Variants in CDH18 observed in about 807,000 individuals in gnomAD.
The protein encoded by CDH18 is cadherin 18, also known as cadherin-18.
A neutral mutation model predicts 67.9 loss-of-function variants in CDH18; 31 were observed. That is an observed-to-expected ratio of 0.46 (90% CI 0.34 to 0.62). The LOEUF (loss-of-function observed/expected upper bound fraction) is 0.62. Among genes scored for constraint, CDH18 ranks in the 20% least tolerant of loss-of-function variants. CDH18 has a pLI of 0.01. For synonymous variants in CDH18, 362 were observed against 347.2 expected (o/e 1.04, Z -0.48); for missense variants, 890 against 975.5 (o/e 0.91, Z 1.17).
At chr5:19,963,720 G>T (rs1391126536) in intron 2 of CDH18, among the ~76,000 whole-genome samples, 1 of 151,714 alleles carries the variant, frequency 6.6e-6, no homozygotes, top group Non-Finnish European at 1.5e-5. Context: ...ACCCAGTATT[G>T]GGTATGTCTT....
chr5:20,014,285 G>A (rs1450826398), intron 2 of CDH18, among the ~76,000 whole-genome samples: 3 of 152,070 alleles, frequency 2.0e-5, no homozygotes, highest in African/African-American at 7.2e-5. Context: ...ACAGTCTGCT[G>A]GGCAAGAAAG....
chr5:19,824,130 T>C (rs1430447677), intron 3 of CDH18, among the ~76,000 whole-genome samples: 1 of 152,108 alleles, frequency 6.6e-6, no homozygotes, highest in Non-Finnish European at 1.5e-5. Context: ...GAATTCACGT[T>C]TGATGTAGAT....
intron 4 of CDH18, among the ~76,000 whole-genome samples, chr5:19,736,282 G>C (rs1196786529): frequency 6.6e-6 from 1 of 152,114 alleles, no homozygotes; most frequent in Non-Finnish European, 1.5e-5. Flanking sequence ...GTGGGAGGCT[G>C]AGGAGGGAGG....
chr5:19,963,645 G>C (rs1043902633), intron 2 of CDH18, among the ~76,000 whole-genome samples: 1 of 152,008 alleles, frequency 6.6e-6, no homozygotes, highest in African/African-American at 2.4e-5. Flanking sequence ...ATGATTATAA[G>C]TTTCCTGAGG....
intron 3 of CDH18, among the ~76,000 whole-genome samples, chr5:19,817,088 A>G (rs1308660231): frequency 6.6e-6 from 1 of 151,932 alleles, no homozygotes; most frequent in African/African-American, 2.4e-5. Flanking sequence ...AATAAAAAAG[A>G]AATAATTACA....
chr5:19,991,696 CTCTT>C (rs1799985242), upstream of CDH18, among the ~76,000 whole-genome samples: 1 of 152,060 alleles, frequency 6.6e-6, no homozygotes, highest in Admixed American at 6.5e-5. Flanking sequence ...TCTGTCATCT[CTCTT>C]CAGTTTAAGA....
chr5:19,764,474 A>G (rs1183637386), intron 3 of CDH18, among the ~76,000 whole-genome samples: 2 of 151,942 alleles, frequency 1.3e-5, no homozygotes, highest in Middle Eastern at 3.2e-3. Context: ...ATTCATATTT[A>G]TTAATATAAA....
intron 2 of CDH18, among the ~76,000 whole-genome samples, chr5:19,879,948 G>A (rs73762046): frequency 6.6e-6 from 1 of 151,946 alleles, no homozygotes; most frequent in African/African-American, 2.4e-5. Context: ...ATCCTGTTGT[G>A]TCCTACCAGG....
chr5:19,957,472 A>G (rs137997486), intron 2 of CDH18, among the ~76,000 whole-genome samples: 121 of 151,952 alleles, frequency 8.0e-4, no homozygotes, highest in South Asian at 2.9e-3. Flanking sequence ...ATATTTAAAA[A>G]TATCTACATA....
chr5:19,601,666 A>G (rs1456434709), intron 6 of CDH18, among the ~76,000 whole-genome samples: 2 of 152,080 alleles, frequency 1.3e-5, no homozygotes, highest in Non-Finnish European at 1.5e-5. Flanking sequence ...ATTAAAAACC[A>G]ATATTCCTTA....
intron 11 of CDH18, among the ~76,000 whole-genome samples, chr5:19,500,746 G>T (rs996130037): frequency 6.6e-6 from 1 of 152,130 alleles, no homozygotes; most frequent in Non-Finnish European, 1.5e-5. Flanking sequence ...TCTTTTAAAA[G>T]CATGTACATA....
chr5:20,014,692 T>C (rs1737732437), intron 2 of CDH18, among the ~76,000 whole-genome samples: 1 of 152,168 alleles, frequency 6.6e-6, no homozygotes, highest in South Asian at 2.1e-4. Context: ...AAAAATGTTA[T>C]GGATGAGGAA....
At chr5:20,351,672 A>C (rs78445675) in intron 1 of CDH18, among the ~76,000 whole-genome samples, 1,727 of 152,222 alleles carry the variant, frequency 0.011, 36 homozygotes, top group African/African-American at 0.039. Flanking sequence ...AAGATATAAT[A>C]GTCATGATAT....
intron 2 of CDH18, among the ~76,000 whole-genome samples, chr5:19,844,648 A>G (rs1353880527): frequency 6.6e-6 from 1 of 152,188 alleles, no homozygotes. Flanking sequence ...CACATAAATG[A>G]TATGCTCAAA....
chr5:19,790,953 A>C (rs1325906823), intron 3 of CDH18, among the ~76,000 whole-genome samples: 2 of 152,124 alleles, frequency 1.3e-5, no homozygotes, highest in East Asian at 3.9e-4. Context: ...AACGATTCTC[A>C]GGTGTGTTAC....
intron 1 of CDH18, among the ~76,000 whole-genome samples, chr5:20,488,754 A>G (rs1488044749): frequency 6.6e-6 from 1 of 150,512 alleles, no homozygotes; most frequent in Non-Finnish European, 1.5e-5. Context: ...GAATAATAAA[A>G]CTAGCAGTTC....
At chr5:20,500,019 C>T (rs770205259) in intron 1 of CDH18, among the ~76,000 whole-genome samples, 2 of 152,020 alleles carry the variant, frequency 1.3e-5, no homozygotes, top group Non-Finnish European at 2.9e-5. Context: ...TGTCACAGAC[C>T]ATTGTAGATA....
intron 9 of CDH18, among the ~76,000 whole-genome samples, chr5:19,522,004 T>C (rs1430191212): frequency 1.3e-5 from 2 of 152,078 alleles, no homozygotes; most frequent in African/African-American, 4.8e-5. Flanking sequence ...AACAAAATAA[T>C]AGTAAACACA....
chr5:20,199,523 C>G (rs1739274463), intron 2 of CDH18, among the ~76,000 whole-genome samples: 1 of 152,094 alleles, frequency 6.6e-6, no homozygotes, highest in Non-Finnish European at 1.5e-5. Context: ...ATTTTACAGG[C>G]TCATAGGTGA....
Sources: gnomAD v4.1 joint callset for allele counts (sites outside exome capture counted in the v4.1 genomes callset) on GRCh38, gnomAD v4.1.1 for gene constraint, MANE v1.5 for transcripts, NCBI Gene and HGNC (gene_info 2026-07-23, HGNC 2026-07-21) for gene names.